The following HUNK variants were observed in gnomAD, a reference collection of about 807,000 sequenced individuals.
HUNK encodes the protein hormonally up-regulated Neu-associated kinase.
A neutral mutation model predicts 61.0 loss-of-function variants in HUNK; 21 were observed. That is an observed-to-expected ratio of 0.34 (90% CI 0.24 to 0.50). The LOEUF is 0.50. HUNK is among the 20% of genes least tolerant of loss of function. HUNK has a pLI of 0.98. For synonymous variants in HUNK, 371 were observed against 386.1 expected (o/e 0.96, Z 0.46); for missense variants, 772 against 945.7 (o/e 0.82, Z 2.41).
intron 1 of HUNK, among the ~76,000 whole-genome samples, chr21:31,900,076 C>G (rs1442845827): frequency 6.6e-6 from 1 of 152,198 alleles, no homozygotes; most frequent in Non-Finnish European, 1.5e-5. Flanking sequence ...CTCCCAGCCT[C>G]TGGCTGCTTT....
chr21:31,991,528 CT>C (rs2123254053), intron 9 of HUNK, among the ~76,000 whole-genome samples: 1 of 152,298 alleles, frequency 6.6e-6, no homozygotes, highest in African/African-American at 2.4e-5. Flanking sequence ...CCAAAGCCCT[CT>C]TTTTATCCAC....
intron 1 of HUNK, among the ~76,000 whole-genome samples, chr21:31,886,148 G>T (rs118162257): frequency 6.6e-6 from 1 of 152,124 alleles, no homozygotes; most frequent in African/African-American, 2.4e-5. Context: ...GGGGCTAGGC[G>T]CAGTGGCTCA....
At chr21:31,907,612 G>A (rs1049471526) in intron 1 of HUNK, among the ~76,000 whole-genome samples, 1 of 152,146 alleles carries the variant, frequency 6.6e-6, no homozygotes, top group African/African-American at 2.4e-5. Flanking sequence ...GAGCCAGCAC[G>A]GGGCATACCT....
At chr21:31,918,633 G>A (rs981221179) in intron 1 of HUNK, among the ~76,000 whole-genome samples, 1 of 152,212 alleles carries the variant, frequency 6.6e-6, no homozygotes, top group African/African-American at 2.4e-5. Context: ...TCCTGGGCTT[G>A]TGGCCATGTT....
intron 1 of HUNK, among the ~76,000 whole-genome samples, chr21:31,888,814 G>A (rs1429490724): frequency 1.3e-5 from 2 of 151,844 alleles, no homozygotes. Context: ...ACAAATGTAT[G>A]TGTGTATATA....
intron 6 of HUNK, among the ~76,000 whole-genome samples, chr21:31,971,453 CA>C (rs951939623): frequency 5.3e-4 from 80 of 151,352 alleles, no homozygotes; most frequent in Admixed American, 1.2e-3. Flanking sequence ...ATCTTTAAGA[CA>C]AAAAAAATGT....
chr21:31,951,955 C>T (rs2052852593), intron 4 of HUNK, among the ~76,000 whole-genome samples: 1 of 152,070 alleles, frequency 6.6e-6, no homozygotes, highest in Non-Finnish European at 1.5e-5. Context: ...TTTGGGGAAC[C>T]TTAGGCCTTT....
In HUNK at chr21:31,934,231, G is replaced by A. The variant is rs1009703003; in HGVS notation, c.555-5934G>A. 5.9e-5 allele frequency among the ~76,000 whole-genome samples: 9 copies of A among 151,916 alleles called. No homozygotes were observed. The East Asian group carries it at 9.6e-4, about 16-fold the overall frequency. On this transcript the variant is annotated intron_variant, in intron 2 of 10. Coordinates refer to ENST00000270112, the MANE Select transcript of HUNK (RefSeq NM_014586.2). ...AGCATTTTGGGAGGCTGAGGCGGGCGGATCACGAGGTCAGGAGATCGAGAC... is the reference window on the plus strand; with the variant it reads ...AGCATTTTGGGAGGCTGAGGCGGGCAGATCACGAGGTCAGGAGATCGAGAC...
chr21:31,998,695 C>T lies in HUNK; in HGVS notation c.1656C>T (p.Asp552=), dbSNP rs1218262919. ...GCACTGGCATCCCCCACAAGGAAGA[C>T]CCCCTGATGCTGGACATGGTGCGCT... The part of the protein sequence containing the change: ...PGSTGIPHKE[D]PLMLDMVRSF... The change falls in exon 11 of 11, where the codon GAC becomes GAT. Residue 552 remains aspartate (D), a synonymous_variant. Transcript: ENST00000270112. The T allele has an allele frequency of 1.2e-6, 2 of 1,613,992 alleles. No individual in the cohort carries two copies. The highest frequency in any genetic ancestry group is 1.7e-6 in the Non-Finnish European group (2 of 1,180,028).
chr21:31,879,765 G>T (rs1169573516), intron 1 of HUNK, among the ~76,000 whole-genome samples: 1 of 152,206 alleles, frequency 6.6e-6, no homozygotes, highest in African/African-American at 2.4e-5. Context: ...AGAGGGACAG[G>T]TTGGGGTGTT....
intron 6 of HUNK, chr21:31,974,175 A>G (rs8133518): frequency 0.58 from 89,804 of 154,680 alleles, 26,279 homozygotes; most frequent in African/African-American, 0.64. Flanking sequence ...TAATCTGGGT[A>G]TTAGATGCTA....
chr21:31,966,100 A>G (rs965413203), intron 5 of HUNK, among the ~76,000 whole-genome samples: 3 of 152,020 alleles, frequency 2.0e-5, no homozygotes, highest in African/African-American at 7.2e-5. Flanking sequence ...CTATTGTATC[A>G]TTCTTATGCC....
intron 2 of HUNK, among the ~76,000 whole-genome samples, chr21:31,937,882 C>A (rs915946950): frequency 5.3e-5 from 8 of 152,136 alleles, no homozygotes; most frequent in Middle Eastern, 6.3e-3. Flanking sequence ...TATTTGGACA[C>A]GTGATATCTT....
intron 9 of HUNK, among the ~76,000 whole-genome samples, chr21:31,992,530 A>G (rs2053178322): frequency 6.6e-6 from 1 of 152,138 alleles, no homozygotes; most frequent in Admixed American, 6.5e-5. Context: ...CTGTGCCATG[A>G]AGGTGCGAGA....
chr21:31,938,089 C>G (rs533559861), intron 2 of HUNK, among the ~76,000 whole-genome samples: 7 of 152,196 alleles, frequency 4.6e-5, no homozygotes, highest in African/African-American at 1.7e-4. Context: ...CTGTTGGACA[C>G]CTTTTAGAGT....
chr21:31,938,178 A>T (rs1034899081), intron 2 of HUNK, among the ~76,000 whole-genome samples: 2 of 152,112 alleles, frequency 1.3e-5, no homozygotes, highest in Non-Finnish European at 2.9e-5. Flanking sequence ...AGCCTGGCTG[A>T]CATAACCCCT....
intron 1 of HUNK, among the ~76,000 whole-genome samples, chr21:31,900,232 C>G (rs1013687445): frequency 1.3e-5 from 2 of 152,140 alleles, no homozygotes; most frequent in Non-Finnish European, 2.9e-5. Context: ...CAGGCCCACC[C>G]TCCTAGCTCC....
intron 5 of HUNK, among the ~76,000 whole-genome samples, chr21:31,959,264 T>G (rs2052911445): frequency 6.6e-6 from 1 of 152,162 alleles, no homozygotes; most frequent in Non-Finnish European, 1.5e-5. Context: ...ATTCTCCATT[T>G]AAAAAATGAT....
rs1170685770 is a variant in HUNK at position 31,924,781 on chromosome 21, G to C, written c.554+21G>C. 7.0e-6 allele frequency: 11 copies of C among 1,569,726 alleles called. No homozygotes were observed. Among genetic ancestry groups the C allele is most frequent in the Non-Finnish European group, 9.5e-6 (11 of 1,158,670 alleles). On this transcript the variant is annotated intron_variant, in intron 2 of 10. Coordinates refer to ENST00000270112, the MANE Select transcript of HUNK (RefSeq NM_014586.2). This position sits in a 1 kb window ranked among gnomAD's most constrained non-coding sequence, Gnocchi z 5.1. The stretch of plus-strand genomic sequence containing the variant: ...CACAGGTAAGGGCCAGGCCACGCTG[G>C]TGATCGCTGACTGTGTGCTCCGTGG...
Sources: allele counts gnomAD v4.1 joint callset (sites outside exome capture counted in the v4.1 genomes callset), GRCh38; gene constraint gnomAD v4.1.1; non-coding constraint Gnocchi (gnomAD v3.1); transcripts MANE v1.5; gene names NCBI Gene and HGNC (gene_info 2026-07-23, HGNC 2026-07-21).